Variants in ATP10A observed in about 807,000 individuals in gnomAD.
ATP10A encodes phospholipid-transporting ATPase VA.
A neutral mutation model predicts 147.8 loss-of-function variants in ATP10A; 111 were observed. The observed-to-expected ratio is 0.75, with a 90% CI of 0.64 to 0.88. ATP10A has a LOEUF of 0.88. Among genes scored for constraint, ATP10A ranks in the 40% least tolerant of loss-of-function variants. The pLI, the probability that ATP10A is intolerant of heterozygous loss-of-function variation, is 0.00. For synonymous variants in ATP10A, 875 were observed against 841.6 expected (o/e 1.04, Z -0.69); for missense variants, 1,927 against 1,959.0 (o/e 0.98, Z 0.31).
intron 17 of ATP10A, among the ~76,000 whole-genome samples, chr15:25,682,433 C>T (rs557466344): frequency 6.6e-6 from 1 of 152,336 alleles, no homozygotes; most frequent in African/African-American, 2.4e-5. Context: ...GCAGGAAACA[C>T]ACACTGGGGA....
intron 2 of ATP10A, among the ~76,000 whole-genome samples, chr15:25,751,341 C>T (rs1298495853): frequency 6.6e-6 from 1 of 152,032 alleles, no homozygotes; most frequent in Non-Finnish European, 1.5e-5. Context: ...TAGCCCTTTA[C>T]AATAATTCCT....
chr15:25,733,189 C>T (rs1379474619), intron 3 of ATP10A, among the ~76,000 whole-genome samples: 1 of 152,118 alleles, frequency 6.6e-6, no homozygotes, highest in East Asian at 1.9e-4. Flanking sequence ...CAGCAGCTGC[C>T]TCATGGAGGC....
At chr15:25,759,347 A>G (rs1888628725) in intron 2 of ATP10A, among the ~76,000 whole-genome samples, 1 of 152,236 alleles carries the variant, frequency 6.6e-6, no homozygotes, top group South Asian at 2.1e-4. Context: ...TTTGTGCAAG[A>G]TTAATCTCAT....
chr15:25,795,358 C>T (rs1890626280), intron 1 of ATP10A, among the ~76,000 whole-genome samples: 1 of 152,146 alleles, frequency 6.6e-6, no homozygotes, highest in Non-Finnish European at 1.5e-5. Context: ...TGTTTAACAT[C>T]TAATGAATGG....
downstream of ATP10A, among the ~76,000 whole-genome samples, chr15:25,675,814 C>T (rs1899125284): frequency 1.3e-5 from 2 of 152,138 alleles, no homozygotes; most frequent in South Asian, 4.1e-4. Flanking sequence ...GGCATGGTGG[C>T]AGGTGCCTAT....
intron 16 of ATP10A, among the ~76,000 whole-genome samples, chr15:25,685,050 AGT>A (rs1899635299): frequency 6.6e-6 from 1 of 152,130 alleles, no homozygotes. Flanking sequence ...TGGCCTAGTG[AGT>A]CATCGGTAGC....
chr15:25,684,147 GC>G lies in ATP10A; in HGVS notation c.3292-662del, dbSNP rs1339355271. ...CTCATAGCTACAGCTACCCAGCTCA[GC>G]AGAACAGGAAAGTGAGATTCAGGGA... On this transcript the variant is annotated intron_variant, in intron 16 of 20. Coordinates refer to ENST00000555815, the MANE Select transcript of ATP10A (RefSeq NM_024490.4). 2.0e-5 allele frequency: 3 copies of G among 152,294 alleles called. No homozygotes were observed. The East Asian group carries it at 5.8e-4, about 29-fold the overall frequency. 9.4% of individuals were successfully genotyped at this position (152,294 alleles called of 1,614,324 possible). A position where few individuals can be genotyped will look rare whatever the true frequency, so the allele number is the denominator to read the frequency against.
chr15:25,782,420 G>A (rs1889968737), intron 1 of ATP10A, among the ~76,000 whole-genome samples: 1 of 152,172 alleles, frequency 6.6e-6, no homozygotes, highest in Admixed American at 6.5e-5. Flanking sequence ...GATTTTATGT[G>A]CATTTTATAA....
At chr15:25,747,365 G>C (rs550174470) in intron 2 of ATP10A, among the ~76,000 whole-genome samples, 1 of 151,072 alleles carries the variant, frequency 6.6e-6, no homozygotes, top group Admixed American at 6.6e-5. Context: ...GCTTGCTTTC[G>C]GGGAAATTAA....
At chr15:25,851,169 C>A (rs1190117656) in intron 1 of ATP10A, among the ~76,000 whole-genome samples, 1 of 152,048 alleles carries the variant, frequency 6.6e-6, no homozygotes, top group Non-Finnish European at 1.5e-5. Flanking sequence ...ATACAACAGG[C>A]AGATCTGATG....
chr15:25,849,621 CG>C (rs755322124), intron 1 of ATP10A, among the ~76,000 whole-genome samples: 24 of 152,108 alleles, frequency 1.6e-4, no homozygotes, highest in Non-Finnish European at 2.8e-4. Context: ...AGACCAGAAA[CG>C]GAGGAATTTA....
At chr15:25,784,267 C>A (rs900966688) in intron 1 of ATP10A, among the ~76,000 whole-genome samples, 2 of 152,054 alleles carry the variant, frequency 1.3e-5, no homozygotes, top group African/African-American at 4.8e-5. Flanking sequence ...GGCTTTGTTG[C>A]GATGGGGTCC....
At chr15:25,752,670 T>C (rs1386334804) in intron 2 of ATP10A, among the ~76,000 whole-genome samples, 1 of 152,202 alleles carries the variant, frequency 6.6e-6, no homozygotes, top group Admixed American at 6.5e-5. Context: ...CTACATAAAT[T>C]TGAGGATTGC....
chr15:25,774,451 G>A (rs1166518465), intron 2 of ATP10A, among the ~76,000 whole-genome samples: 1 of 152,152 alleles, frequency 6.6e-6, no homozygotes, highest in African/African-American at 2.4e-5. Context: ...GCACATGCCT[G>A]TAATCCCAGC....
chr15:25,739,046 A>C (rs1887438654), intron 2 of ATP10A, among the ~76,000 whole-genome samples: 1 of 152,152 alleles, frequency 6.6e-6, no homozygotes, highest in Admixed American at 6.5e-5. Flanking sequence ...TTCTATAGAA[A>C]CGTCCCCCAA....
chr15:25,765,961 C>T (rs540396121), intron 2 of ATP10A, among the ~76,000 whole-genome samples: 5 of 152,232 alleles, frequency 3.3e-5, no homozygotes, highest in South Asian at 2.1e-4. Context: ...TGTATCAGTC[C>T]GTTTTCACAT....
chr15:25,690,243 A>ATT (rs1899950727), intron 15 of ATP10A, among the ~76,000 whole-genome samples: 1 of 128,016 alleles, frequency 7.8e-6, no homozygotes, highest in Non-Finnish European at 1.6e-5. Context: ...TTTTTTTTAA[A>ATT]AAAAAAAAAA....
intron 2 of ATP10A, among the ~76,000 whole-genome samples, chr15:25,773,531 T>C (rs755309098): frequency 6.6e-6 from 1 of 152,166 alleles, no homozygotes; most frequent in Non-Finnish European, 1.5e-5. Context: ...ACGTAATGCA[T>C]GGGCTCACAG....
intron 2 of ATP10A, among the ~76,000 whole-genome samples, chr15:25,765,770 C>T (rs933354569): frequency 7.2e-5 from 11 of 152,158 alleles, no homozygotes; most frequent in Non-Finnish European, 1.3e-4. Context: ...AGACGCAAAC[C>T]CTTTTCTCTA....
Sources: gnomAD v4.1 joint callset for allele counts (sites outside exome capture counted in the v4.1 genomes callset) on GRCh38, gnomAD v4.1.1 for gene constraint, MANE v1.5 for transcripts, NCBI Gene and HGNC (gene_info 2026-07-23, HGNC 2026-07-21) for gene names.